Variants in DNAJC3 observed in about 807,000 individuals in gnomAD.
The protein encoded by DNAJC3 is DnaJ heat shock protein family (Hsp40) member C3.
Under a neutral mutation model 68.6 loss-of-function variants are expected in DNAJC3, and 38 were observed. The ratio of observed to expected loss-of-function variants is 0.55; its 90% CI spans 0.43 to 0.73. The LOEUF is 0.73. Ranked by LOEUF, DNAJC3 falls within the 30% of genes least tolerant of loss-of-function variation. DNAJC3 has a pLI of 0.00. For synonymous variants in DNAJC3, 203 were observed against 204.0 expected (o/e 1.00, Z 0.04); for missense variants, 526 against 591.9 (o/e 0.89, Z 1.16).
intron 4 of DNAJC3, among the ~76,000 whole-genome samples, chr13:95,757,059 A>G (rs1283116708): frequency 6.6e-6 from 1 of 152,218 alleles, no homozygotes; most frequent in Non-Finnish European, 1.5e-5. Flanking sequence ...AAAAAGAGGC[A>G]GTGTGCAGAT....
intron 9 of DNAJC3, among the ~76,000 whole-genome samples, chr13:95,764,675 TATATATATAC>T (rs1173547593): frequency 3.2e-5 from 4 of 123,394 alleles, no homozygotes; most frequent in African/African-American, 1.4e-4. Flanking sequence ...TATATATATA[TATATATATAC>T]ACACACACAC....
intron 4 of DNAJC3, among the ~76,000 whole-genome samples, chr13:95,742,010 G>T (rs989207253): frequency 2.0e-5 from 3 of 152,196 alleles, no homozygotes; most frequent in Admixed American, 1.3e-4. Flanking sequence ...TGAAGTGCTT[G>T]GGTGGAGGCA....
chr13:95,755,756 C>CAAAAA (rs56659621), intron 4 of DNAJC3, among the ~76,000 whole-genome samples: 23 of 14,976 alleles, frequency 1.5e-3, no homozygotes, highest in East Asian at 3.6e-3. Context: ...GACGCCGTCT[C>CAAAAA]AAAAAAAAAA....
intron 1 of DNAJC3, among the ~76,000 whole-genome samples, chr13:95,696,100 C>A (rs962596703): frequency 2.0e-5 from 3 of 152,198 alleles, no homozygotes; most frequent in African/African-American, 7.2e-5. Flanking sequence ...TCAACTATCA[C>A]TCATTCAGAC....
intron 11 of DNAJC3, among the ~76,000 whole-genome samples, chr13:95,789,866 T>C (rs541378982): frequency 1.8e-4 from 27 of 152,364 alleles, no homozygotes; most frequent in Admixed American, 1.7e-3. Context: ...TCTAATTATT[T>C]GCTCTAGTGA....
Position 95,709,254 on chromosome 13 carries a change from T to C in DNAJC3, c.110T>C (p.Val37Ala). The C allele has an allele frequency of 1.9e-6, 3 of 1,583,630 alleles. No individual in the cohort carries two copies. Among genetic ancestry groups the C allele is most frequent in the Non-Finnish European group, 2.6e-6 (3 of 1,165,040 alleles). The part of the protein sequence containing the change: ...EGAECGVNAD[V>A]EKHLELGKKL... ...GCTGAATGTGGAGTAAATGCAGATG[T>C]TGAGAAACATCTTGAATTGGGCAAG... The change falls in exon 2 of 12, where the codon GTT becomes GCT. Residue 37 changes from valine (V) to alanine (A), a missense_variant. Physicochemically the swap from Val to Ala is moderately conservative, Grantham distance 64 (BLOSUM62 0). Transcript: ENST00000602402.
intron 4 of DNAJC3, among the ~76,000 whole-genome samples, chr13:95,748,086 G>T (rs1882360188): frequency 6.6e-6 from 1 of 151,972 alleles, no homozygotes; most frequent in African/African-American, 2.4e-5. Context: ...TCTATTCTTG[G>T]TCTTCATTGT....
At chr13:95,678,311 A>AATTC (rs1162341820) in intron 1 of DNAJC3, among the ~76,000 whole-genome samples, 2 of 152,216 alleles carry the variant, frequency 1.3e-5, no homozygotes, top group Non-Finnish European at 2.9e-5. Context: ...ATTCAAAGGG[A>AATTC]GCGAGGAACT....
In DNAJC3 at chr13:95,688,105, T is replaced by C. The variant is rs554305974; in HGVS notation, c.82+10768T>C. Among the ~76,000 whole-genome samples, 35 of 152,376 alleles carry C rather than the reference T, an allele frequency of 2.3e-4. No individual in the cohort carries two copies. The South Asian group carries it at 7.3e-3, about 32-fold the overall frequency. ...GAATGTTGTCAGTGTATATAAATGT[T>C]ACTGCTGCTTGTACATTAATTTTAT... is the stretch of plus-strand genomic sequence containing the variant. On this transcript the variant is annotated intron_variant, in intron 1 of 11. Coordinates refer to ENST00000602402, the MANE Select transcript of DNAJC3 (RefSeq NM_006260.5).
intron 5 of DNAJC3, among the ~76,000 whole-genome samples, chr13:95,759,652 T>C (rs1882763113): frequency 6.6e-6 from 1 of 152,232 alleles, no homozygotes; most frequent in Admixed American, 6.5e-5. Context: ...TTAGAATTGT[T>C]GATTAAGTAT....
intron 4 of DNAJC3, among the ~76,000 whole-genome samples, chr13:95,755,409 C>A (rs1399448709): frequency 1.3e-5 from 2 of 152,008 alleles, no homozygotes; most frequent in Non-Finnish European, 1.5e-5. Context: ...TAAGAACATG[C>A]CACTACACTC....
At chr13:95,757,943 G>T (rs1030761310) in intron 5 of DNAJC3, 147 bp downstream of exon 5, 2 of 842,128 alleles carry the variant, frequency 2.4e-6, no homozygotes, top group Admixed American at 6.1e-5. Context: ...ATAAAATAGT[G>T]TTCCTAGACA....
At position 95,677,300 on chromosome 13, in the gene DNAJC3, C is replaced by T. The variant is rs1167791611; in HGVS notation, c.45C>T (p.Phe15=). 4 of 1,600,794 alleles carry T rather than the reference C, an allele frequency of 2.5e-6. No individual in the cohort carries two copies. Among genetic ancestry groups the T allele is most frequent in the East Asian group, 4.6e-5 (2 of 43,038 alleles). Residue 15 remains phenylalanine (F), a synonymous_variant, in exon 1 of 12, where the codon TTC becomes TTT. Coordinates refer to ENST00000602402, the MANE Select transcript of DNAJC3 (RefSeq NM_006260.5). ...TGACCAGCCGGCTGGGCTCGGTATTCCCCTTCCTGCTAGTCCTGGTGGATC... is the reference window on the plus strand; with the variant it reads ...TGACCAGCCGGCTGGGCTCGGTATTTCCCTTCCTGCTAGTCCTGGTGGATC... ...GSVTSRLGSV[F]PFLLVLVDLQ...
chr13:95,766,853 C>T (rs1883007115), intron 9 of DNAJC3, among the ~76,000 whole-genome samples: 1 of 151,960 alleles, frequency 6.6e-6, no homozygotes, highest in African/African-American at 2.4e-5. Context: ...GGAACTGTGC[C>T]ACCATGCCTG....
chr13:95,757,425 C>A (rs532930004), intron 4 of DNAJC3, among the ~76,000 whole-genome samples: 2 of 152,262 alleles, frequency 1.3e-5, no homozygotes, highest in African/African-American at 4.8e-5. Context: ...CCCAGGTCTT[C>A]TGAGTCTAGA....
intron 4 of DNAJC3, among the ~76,000 whole-genome samples, chr13:95,755,877 A>G (rs1401051348): frequency 1.3e-5 from 2 of 151,150 alleles, no homozygotes; most frequent in Non-Finnish European, 2.9e-5. Context: ...CGTTTCTCCA[A>G]CTCCTTTCTT....
intron 4 of DNAJC3, among the ~76,000 whole-genome samples, chr13:95,736,070 G>A (rs1317741006): frequency 3.9e-5 from 6 of 152,022 alleles, no homozygotes; most frequent in African/African-American, 7.2e-5. Context: ...ACCATTTATT[G>A]AATAGGGAAT....
Position 95,742,972 on chromosome 13 carries a change from G to C in DNAJC3, c.394-14672G>C, listed in dbSNP as rs114495405. On this transcript the variant is annotated intron_variant, in intron 4 of 11. Coordinates refer to ENST00000602402, the MANE Select transcript of DNAJC3 (RefSeq NM_006260.5). ...TTTTGTATGATGGTATGAGGTTTAG[G>C]TCGAAGTTCATTTGTTTTGCCTTTA... 1.0e-3 allele frequency: 442 copies of C among 423,932 alleles called. 5 individuals carry two copies. The highest frequency in any genetic ancestry group is 8.0e-3 in the African/African-American group (386 of 48,216). 26.3% of individuals were successfully genotyped at this position (423,932 alleles called of 1,614,324 possible). A position where few individuals can be genotyped will look rare whatever the true frequency, so the allele number is the denominator to read the frequency against.
Position 95,791,229 on chromosome 13 carries a change from G to A in DNAJC3, c.*199G>A. 1 of 623,810 alleles carries A rather than the reference G, an allele frequency of 1.6e-6. No homozygotes were observed. The highest frequency in any genetic ancestry group is 3.0e-5 in the East Asian group (1 of 33,604). 38.6% of individuals were successfully genotyped at this position (623,810 alleles called of 1,614,324 possible). A position where few individuals can be genotyped will look rare whatever the true frequency, so the allele number is the denominator to read the frequency against. The stretch of plus-strand genomic sequence containing the variant: ...TTGCAACGGCAAGGAGGCAAGGAAT[G>A]GTTCTATTTCTGACAGAGCAGCCTG... On this transcript the variant is annotated 3_prime_UTR_variant, in exon 12 of 12. Coordinates refer to ENST00000602402, the MANE Select transcript of DNAJC3 (RefSeq NM_006260.5).
Sources: allele counts gnomAD v4.1 joint callset (sites outside exome capture counted in the v4.1 genomes callset), GRCh38; gene constraint gnomAD v4.1.1; transcripts MANE v1.5; gene names NCBI Gene and HGNC (gene_info 2026-07-23, HGNC 2026-07-21).